MEGF11: variants seen among roughly 807,000 people sequenced by gnomAD.
MEGF11 encodes multiple epidermal growth factor-like domains protein 11.
In MEGF11, 126 loss-of-function variants were observed where a neutral mutation model predicts 146.6. The ratio of observed to expected loss-of-function variants is 0.86; its 90% CI spans 0.74 to 1.00. The LOEUF is 1.00. Ranked by LOEUF, MEGF11 falls within the 50% of genes least tolerant of loss-of-function variation. The pLI is 0.00. For synonymous variants in MEGF11, 532 were observed against 583.4 expected, an observed-to-expected ratio of 0.91 and a Z score of 1.27; for missense variants, 1,509 against 1,521.2, an observed-to-expected ratio of 0.99 and a Z score of 0.13.
rs977780686 is a variant in MEGF11 at position 66,119,171 on chromosome 15, C to T, written c.216G>A (p.Thr72=). The part of the protein sequence containing the change: ...KCTRHRISYK[T]AYRRGLRTMY... ...TGGTCCGGAGGCCTCTCCGATACGC[C>T]GTCTTATAACTGATCCTAAGGCACA... Residue 72 remains threonine (T), a synonymous_variant, in exon 4 of 26, where the codon ACG becomes ACA. Coordinates refer to ENST00000395614, the MANE Select transcript of MEGF11 (RefSeq NM_001385028.1). 1.0e-5 allele frequency: 16 copies of T among 1,551,072 alleles called. No homozygotes were observed. Among genetic ancestry groups the T allele is most frequent in the African/African-American group, 5.5e-5 (4 of 73,016 alleles).
In MEGF11 at chr15:65,976,040, CTTTT is replaced by C. The variant is rs57047424; in HGVS notation, c.762+4734_762+4737del. Among the ~76,000 whole-genome samples, 382 of 102,040 alleles carry C rather than the reference CTTTT, an allele frequency of 3.7e-3. 1 individual carries two copies. Among genetic ancestry groups the C allele is most frequent in the South Asian group, 0.019 (55 of 2,830 alleles). The allele number at this position is 102,040 out of a possible 152,430, so 66.9% of individuals were successfully genotyped here. Reference sequence around the variant, plus strand: ...GCTGAAGTGTACCCCTTCAACATTCCTTTTTTTTTTTTTTTTTTTTGAGATGGAG... The same window carrying C: ...GCTGAAGTGTACCCCTTCAACATTCCTTTTTTTTTTTTTTTTGAGATGGAG... On this transcript the variant is annotated intron_variant, in intron 7 of 25. Transcript: ENST00000395614.
intron 5 of MEGF11, among the ~76,000 whole-genome samples, chr15:66,069,884 C>T (rs1326617045): frequency 6.6e-6 from 1 of 152,210 alleles, no homozygotes; most frequent in Non-Finnish European, 1.5e-5. Context: ...AAAGCAGTCA[C>T]AGGCAATCCA....
At chr15:65,946,296 C>T (rs1291161255) in intron 10 of MEGF11, among the ~76,000 whole-genome samples, 2 of 152,176 alleles carry the variant, frequency 1.3e-5, no homozygotes, top group East Asian at 1.9e-4. Context: ...CCTAAGCCAC[C>T]CAGGAGGTGA....
chr15:65,917,114 C>T (rs1053927729), intron 16 of MEGF11, among the ~76,000 whole-genome samples, 158 bp from the exon 17 acceptor site: 4 of 152,178 alleles, frequency 2.6e-5, no homozygotes, highest in Non-Finnish European at 4.4e-5. Flanking sequence ...CCCAGAATTC[C>T]TGCACTTACT....
At chr15:65,965,283 T>C in intron 8 of MEGF11, 163 bp from the exon 9 acceptor site, 2 of 582,798 alleles carry the variant, frequency 3.4e-6, no homozygotes, top group Non-Finnish European at 3.0e-6. Flanking sequence ...CAGGAAGTAG[T>C]CCATGGTTTA....
At chr15:65,912,676 C>T (rs1454271272) in intron 20 of MEGF11, among the ~76,000 whole-genome samples, 1 of 152,198 alleles carries the variant, frequency 6.6e-6, no homozygotes, top group African/African-American at 2.4e-5. Flanking sequence ...AAACCCTAGC[C>T]AGCCTTCTCA....
intron 5 of MEGF11, among the ~76,000 whole-genome samples, chr15:66,033,267 C>A (rs1372804797): frequency 1.3e-5 from 2 of 152,148 alleles, no homozygotes. Flanking sequence ...CCCTGAAGAA[C>A]ATTTCAGAGA....
rs148421844 is a variant in MEGF11, at chr15:66,098,482, G to A, written c.302-3988C>T. ...CTATAAAAATTACTTACATGAAAGGGTCAGGATAAATAAAGACAACTTCCA... is the reference window on the plus strand; with the variant it reads ...CTATAAAAATTACTTACATGAAAGGATCAGGATAAATAAAGACAACTTCCA... On this transcript the variant is annotated intron_variant, in intron 4 of 25. Transcript: ENST00000395614. Among the ~76,000 whole-genome samples, 218 of 152,294 alleles carry A rather than the reference G, an allele frequency of 1.4e-3. 1 individual carries two copies. Among genetic ancestry groups the A allele is most frequent in the South Asian group, 7.7e-3 (37 of 4,820 alleles).
intron 10 of MEGF11, among the ~76,000 whole-genome samples, chr15:65,955,793 T>TATATAC (rs1555455862): frequency 1.5e-4 from 1 of 6,780 alleles, no homozygotes; most frequent in African/African-American, 3.2e-4. Flanking sequence ...TATATATATA[T>TATATAC]ACACACACAC....
chr15:66,096,289 C>T (rs1202916041), intron 4 of MEGF11, among the ~76,000 whole-genome samples: 4 of 152,204 alleles, frequency 2.6e-5, no homozygotes, highest in Non-Finnish European at 1.5e-5. Flanking sequence ...GGGTCTCTGC[C>T]GAGGGCGGTG....
chr15:65,994,549 C>T (rs966651696), intron 5 of MEGF11, among the ~76,000 whole-genome samples: 2 of 152,150 alleles, frequency 1.3e-5, no homozygotes, highest in Admixed American at 6.5e-5. Context: ...TGTGTTGAAG[C>T]GACTCCAGCA....
intron 1 of MEGF11, among the ~76,000 whole-genome samples, chr15:66,164,848 T>C (rs1479638305): frequency 6.6e-6 from 1 of 152,276 alleles, no homozygotes; most frequent in African/African-American, 2.4e-5. Context: ...AAATTGGAAC[T>C]GTCCCAGAAA....
Position 66,219,903 on chromosome 15 carries a change from G to A in MEGF11, c.-9+33702C>T, listed in dbSNP as rs541404962. ...AAACAAGCTGTGGTACATCCATACC[G>A]TATATATTAAGTTGAATAGTGTTCC... On this transcript the variant is annotated intron_variant, in intron 1 of 25. Coordinates refer to ENST00000395614, the MANE Select transcript of MEGF11 (RefSeq NM_001385028.1). 2.8e-4 allele frequency among the ~76,000 whole-genome samples: 43 copies of A among 152,272 alleles called. 1 individual carries two copies. In the South Asian group the frequency reaches 2.9e-3, roughly 10 times the overall value.
rs190689168 is a variant in MEGF11 at position 65,906,227 on chromosome 15, T to C, written c.2999-86A>G. 2.6e-3 allele frequency: 2,421 copies of C among 942,520 alleles called. 15 individuals are homozygous for C. The highest frequency in any genetic ancestry group is 9.9e-3 in the Middle Eastern group (47 of 4,760). The allele number at this position is 942,520 out of a possible 1,614,324, so 58.4% of individuals were successfully genotyped here. On this transcript the variant is annotated intron_variant, in intron 23 of 25. Transcript: ENST00000395614. ...GTGTTCTTCTTTCTTTTCTTGCTTT[T>C]CCCCCCCCTTCTCCCCTACCCAGAA...
intron 5 of MEGF11, among the ~76,000 whole-genome samples, chr15:66,083,706 G>C (rs62011840): frequency 0.098 from 14,885 of 152,012 alleles, 839 homozygotes; most frequent in Middle Eastern, 0.16. Context: ...TTGAGGCCAG[G>C]AGTTTGAGAA....
At chr15:66,220,785 C>T (rs1266625277) in intron 1 of MEGF11, among the ~76,000 whole-genome samples, 5 of 152,140 alleles carry the variant, frequency 3.3e-5, no homozygotes, top group African/African-American at 9.7e-5. Flanking sequence ...GATCCTCCTG[C>T]TTCGGCCTCC....
chr15:66,076,910 G>A (rs1294526075), intron 5 of MEGF11, among the ~76,000 whole-genome samples: 3 of 152,226 alleles, frequency 2.0e-5, no homozygotes, highest in Non-Finnish European at 4.4e-5. Context: ...TACCCAGAGG[G>A]ACTGGCTGGG....
rs1392399118 is a variant in MEGF11 at position 65,896,443 on chromosome 15, TC to T, written c.*1490del. 1 of 152,680 alleles carries T rather than the reference TC, an allele frequency of 6.5e-6. No individual in the cohort carries two copies. The highest frequency in any genetic ancestry group is 1.5e-5 in the Non-Finnish European group (1 of 68,046). 9.5% of individuals were successfully genotyped at this position (152,680 alleles called of 1,614,324 possible). A position where few individuals can be genotyped will look rare whatever the true frequency, so the allele number is the denominator to read the frequency against. ...TCAAGGGTTTCAGAACTCTCATACTTCCTGTAGCAGTATTCCAGCTTCGCAG... is the reference window on the plus strand; with the variant it reads ...TCAAGGGTTTCAGAACTCTCATACTTCTGTAGCAGTATTCCAGCTTCGCAG... On this transcript the variant is annotated 3_prime_UTR_variant, in exon 26 of 26. Coordinates refer to ENST00000395614, the MANE Select transcript of MEGF11 (RefSeq NM_001385028.1).
rs2082622295 is a variant in MEGF11, at chr15:66,009,240, A to G, written c.395-26752T>C. Among the ~76,000 whole-genome samples, 6 of 61,742 alleles carry G rather than the reference A, an allele frequency of 9.7e-5. No individual in the cohort carries two copies. In the South Asian group the frequency reaches 3.0e-3, roughly 31 times the overall value. 40.5% of individuals were successfully genotyped at this position (61,742 alleles called of 152,430 possible). ...GTTGGTTAGAGAACACGTTAACCTAAGTTTTTTTTTTTTTTTTTTTTTTTA... is the reference window on the plus strand; with the variant it reads ...GTTGGTTAGAGAACACGTTAACCTAGGTTTTTTTTTTTTTTTTTTTTTTTA... On this transcript the variant is annotated intron_variant, in intron 5 of 25. Coordinates refer to ENST00000395614, the MANE Select transcript of MEGF11 (RefSeq NM_001385028.1).
Sources: allele counts gnomAD v4.1 joint callset (sites outside exome capture counted in the v4.1 genomes callset), GRCh38; gene constraint gnomAD v4.1.1; transcripts MANE v1.5; gene names NCBI Gene and HGNC (gene_info 2026-07-23, HGNC 2026-07-21).